KCNIP4: variants seen among roughly 807,000 people sequenced by gnomAD.
KCNIP4 encodes the protein Kv channel-interacting protein 4.
Under a neutral mutation model 34.0 loss-of-function variants are expected in KCNIP4, and 12 were observed. That is an observed-to-expected ratio of 0.35 (90% CI 0.23 to 0.57). KCNIP4 has a LOEUF of 0.57. Ranked by LOEUF, KCNIP4 falls within the 20% of genes least tolerant of loss-of-function variation. The pLI is 0.83. For missense variants in KCNIP4, 238 were observed against 311.7 expected (o/e 0.76, Z 1.78); for synonymous variants, 124 against 102.2 (o/e 1.21, Z -1.29).
At chr4:21,765,687 A>C (rs1648730055) in intron 1 of KCNIP4, among the ~76,000 whole-genome samples, 1 of 150,904 alleles carries the variant, frequency 6.6e-6, no homozygotes. Context: ...ACTGGTCTTG[A>C]CCTCCTGACC....
intron 1 of KCNIP4, among the ~76,000 whole-genome samples, chr4:21,488,237 T>C (rs1380849184): frequency 6.6e-6 from 1 of 152,144 alleles, no homozygotes; most frequent in African/African-American, 2.4e-5. Context: ...TCTAAACTTA[T>C]CCCTTTGCTT....
At chr4:21,368,417 C>A (rs145623578) in intron 1 of KCNIP4, among the ~76,000 whole-genome samples, 1 of 147,224 alleles carries the variant, frequency 6.8e-6, no homozygotes, top group Non-Finnish European at 1.5e-5. Context: ...ACACTCCCCC[C>A]AAAATAGCTA....
At chr4:21,681,384 G>A (rs766324038) in intron 1 of KCNIP4, among the ~76,000 whole-genome samples, 11 of 152,096 alleles carry the variant, frequency 7.2e-5, no homozygotes, top group Non-Finnish European at 1.6e-4. Context: ...TGGGATTACA[G>A]GCATGAGCCA....
chr4:20,883,102 G>A (rs986104019), intron 1 of KCNIP4, among the ~76,000 whole-genome samples: 3 of 149,086 alleles, frequency 2.0e-5, no homozygotes, highest in African/African-American at 5.0e-5. Flanking sequence ...TCAAACCAGC[G>A]CTAAGGGCCC....
chr4:21,753,948 G>A (rs1717327543), intron 1 of KCNIP4, among the ~76,000 whole-genome samples: 1 of 152,052 alleles, frequency 6.6e-6, no homozygotes, highest in African/African-American at 2.4e-5. Flanking sequence ...CCAGGAAATA[G>A]ACAGACTCCA....
intron 3 of KCNIP4, among the ~76,000 whole-genome samples, chr4:20,830,255 T>C (rs1186464307): frequency 6.6e-6 from 1 of 152,188 alleles, no homozygotes; most frequent in African/African-American, 2.4e-5. Flanking sequence ...CTTCTCTACC[T>C]TATAAATCCC....
At chr4:21,252,939 G>T (rs1188828021) in intron 1 of KCNIP4, among the ~76,000 whole-genome samples, 1 of 151,980 alleles carries the variant, frequency 6.6e-6, no homozygotes, top group Non-Finnish European at 1.5e-5. Context: ...TATCATCTAT[G>T]AGATGAGAAT....
intron 1 of KCNIP4, among the ~76,000 whole-genome samples, chr4:21,087,341 T>A (rs113811372): frequency 0.18 from 26,731 of 152,018 alleles, 2,455 homozygotes; most frequent in African/African-American, 0.24. Flanking sequence ...CACACCTGGC[T>A]AATTTTTTGC....
chr4:21,244,218 A>G (rs951731435), intron 1 of KCNIP4, among the ~76,000 whole-genome samples: 2 of 152,176 alleles, frequency 1.3e-5, no homozygotes, highest in Non-Finnish European at 2.9e-5. Context: ...TGATCAAATC[A>G]GCATAATTGG....
At chr4:20,880,477 C>A (rs988515942) in intron 2 of KCNIP4, among the ~76,000 whole-genome samples, 1 of 152,084 alleles carries the variant, frequency 6.6e-6, no homozygotes, top group Non-Finnish European at 1.5e-5. Flanking sequence ...TTAGTATTTT[C>A]TATTTTTTTT....
chr4:21,359,617 C>T (rs1263374104), intron 1 of KCNIP4, among the ~76,000 whole-genome samples: 1 of 152,026 alleles, frequency 6.6e-6, no homozygotes, highest in African/African-American at 2.4e-5. Flanking sequence ...TATAAAATAA[C>T]ACTGAAAATG....
At chr4:21,906,478 G>A (rs944088301) in intron 1 of KCNIP4, among the ~76,000 whole-genome samples, 2 of 152,202 alleles carry the variant, frequency 1.3e-5, no homozygotes, top group Non-Finnish European at 2.9e-5. Flanking sequence ...GCAAGGAAGT[G>A]TTCTCCCCCA....
At chr4:21,255,752 A>G (rs1761019639) in intron 1 of KCNIP4, among the ~76,000 whole-genome samples, 1 of 152,182 alleles carries the variant, frequency 6.6e-6, no homozygotes, top group Non-Finnish European at 1.5e-5. Context: ...CATCTCTTGT[A>G]TGCACAGTAC....
At chr4:20,899,865 A>G (rs1274611740) in intron 1 of KCNIP4, among the ~76,000 whole-genome samples, 1 of 152,200 alleles carries the variant, frequency 6.6e-6, no homozygotes, top group Non-Finnish European at 1.5e-5. Flanking sequence ...CAAATAGAAC[A>G]TGATCCCTGT....
intron 3 of KCNIP4, among the ~76,000 whole-genome samples, chr4:20,768,324 GTC>G (rs1755593691): frequency 2.0e-5 from 3 of 152,186 alleles, no homozygotes; most frequent in Non-Finnish European, 4.4e-5. Flanking sequence ...GACCAAGATA[GTC>G]ATGGGGGTTC....
At chr4:21,826,640 A>G (rs1260604480) in intron 1 of KCNIP4, among the ~76,000 whole-genome samples, 1 of 152,138 alleles carries the variant, frequency 6.6e-6, no homozygotes, top group Non-Finnish European at 1.5e-5. Context: ...ATATGATCAC[A>G]TGTGAAAAAA....
At chr4:21,131,979 TTCAG>T (rs1751105130) in intron 1 of KCNIP4, among the ~76,000 whole-genome samples, 1 of 152,220 alleles carries the variant, frequency 6.6e-6, no homozygotes, top group Non-Finnish European at 1.5e-5. Flanking sequence ...TGTTAATTTT[TTCAG>T]TCAGAGAGAG....
chr4:20,999,414 GTTTTTTTT>G (rs5856594), intron 1 of KCNIP4, among the ~76,000 whole-genome samples: 3 of 95,344 alleles, frequency 3.1e-5, no homozygotes, highest in African/African-American at 9.4e-5. Context: ...TTGTGGTGGT[GTTTTTTTT>G]TTTTGTTTGT....
intron 1 of KCNIP4, among the ~76,000 whole-genome samples, chr4:21,180,355 T>C (rs1754749611): frequency 6.6e-6 from 1 of 152,244 alleles, no homozygotes; most frequent in African/African-American, 2.4e-5. Context: ...GAAAAAAGAT[T>C]GATTTATAGT....
Sources: allele counts gnomAD v4.1 joint callset (sites outside exome capture counted in the v4.1 genomes callset), GRCh38; gene constraint gnomAD v4.1.1; transcripts MANE v1.5; gene names NCBI Gene and HGNC (gene_info 2026-07-23, HGNC 2026-07-21).